The following COL7A1 variants were observed in gnomAD, a reference collection of about 807,000 sequenced individuals.
COL7A1 encodes collagen alpha-1(VII) chain.
A neutral mutation model predicts 456.2 loss-of-function variants in COL7A1; 296 were observed. The ratio of observed to expected loss-of-function variants is 0.65; its 90% CI spans 0.59 to 0.71. The LOEUF is 0.71. COL7A1 is among the 30% of genes least tolerant of loss of function. COL7A1 has a pLI of 0.00. For synonymous variants in COL7A1, 1,464 were observed against 1,525.9 expected (o/e 0.96, Z 0.95); for missense variants, 3,441 against 4,017.2 (o/e 0.86, Z 3.88).
At chr3:48,582,955 G>T in intron 44 of COL7A1, 58 bp downstream of exon 44, 1 of 1,613,524 alleles carries the variant, frequency 6.2e-7, no homozygotes, top group Non-Finnish European at 8.5e-7. Flanking sequence ...CAAGAAGTCA[G>T]AACCAGAAAG....
rs2045869734 is a variant in COL7A1 at position 48,593,662 on chromosome 3, C to T, written c.301G>A (p.Gly101Ser). The T allele has an allele frequency of 6.2e-7, 1 of 1,614,096 alleles. No individual in the cohort carries two copies. Among genetic ancestry groups the T allele is most frequent in the Admixed American group, 1.7e-5 (1 of 60,008 alleles). The change falls in exon 4 of 119, where the codon GGT becomes AGT. Residue 101 changes from glycine to serine, a missense_variant. By Grantham distance (56) the Gly-to-Ser change is moderately conservative. Transcript: ENST00000681320. This position sits in a 1 kb window ranked among gnomAD's most constrained non-coding sequence, Gnocchi z 4.4. Reference protein sequence around the residue: ...EFGLDALGSGGDVIRAIRELS... With the variant: ...EFGLDALGSGSDVIRAIRELS... ...TCACGGATGGCGCGGATCACATCACCCCCAGAGCCAAGTGCATCCAGGCCG... is the reference window on the plus strand; with the variant it reads ...TCACGGATGGCGCGGATCACATCACTCCCAGAGCCAAGTGCATCCAGGCCG...
At position 48,567,817 on chromosome 3, in the gene COL7A1, C is replaced by T. The variant is rs754689393; in HGVS notation, c.7929+21G>A. 3.1e-6 allele frequency: 5 copies of T among 1,614,168 alleles called. No individual in the cohort carries two copies. In the Admixed American group the frequency reaches 6.7e-5, roughly 22 times the overall value. On this transcript the variant is annotated intron_variant, in intron 107 of 118. Transcript: ENST00000681320. This position sits in a 1 kb window ranked among gnomAD's most constrained non-coding sequence, Gnocchi z 4.3. The stretch of plus-strand genomic sequence containing the variant: ...TTAGGCCCCAGGCCACGTAGCCCCC[C>T]AGCCCCCATCCCCTCTGTACCTTGT...
Position 48,566,497 on chromosome 3 carries a change from G to C in COL7A1, c.8358+13C>G. ...ACCCAGGCCCTCCCAGGCCCATCCA[G>C]GCCCACACTCACCGTCAGTGCAGCT... On this transcript the variant is annotated intron_variant, in intron 113 of 118. Coordinates refer to ENST00000681320, the MANE Select transcript of COL7A1 (RefSeq NM_000094.4). This position sits in a 1 kb window ranked among gnomAD's most constrained non-coding sequence, Gnocchi z 5.9. The C allele has an allele frequency of 6.2e-6, 10 of 1,605,706 alleles. No individual in the cohort carries two copies. Among genetic ancestry groups the C allele is most frequent in the Non-Finnish European group, 8.5e-6 (10 of 1,174,998 alleles).
chr3:48,564,661 A>G lies in COL7A1; in HGVS notation c.8818+122T>C. On this transcript the variant is annotated intron_variant, in intron 118 of 118. Coordinates refer to ENST00000681320, the MANE Select transcript of COL7A1 (RefSeq NM_000094.4). The surrounding 1 kb of genome is among the most constrained non-coding windows in gnomAD (Gnocchi z 6.0). ...TCTGGGCGTCTGCCCCAGGTCCCCT[A>G]CTGCGAGGGAGCGTCTCCTCCAGGA... 1 of 1,203,306 alleles carries G rather than the reference A, an allele frequency of 8.3e-7. No homozygotes were observed. 74.5% of individuals were successfully genotyped at this position (1,203,306 alleles called of 1,614,324 possible). A position where few individuals can be genotyped will look rare whatever the true frequency, so the allele number is the denominator to read the frequency against.
chr3:48,591,355 G>A lies in COL7A1; in HGVS notation c.1636+109C>T. The A allele has an allele frequency of 9.0e-6, 13 of 1,437,968 alleles. No homozygotes were observed. The highest frequency in any genetic ancestry group is 1.2e-5 in the Non-Finnish European group (13 of 1,046,528). 89.1% of individuals were successfully genotyped at this position (1,437,968 alleles called of 1,614,324 possible). ...AAGCAGATGGATAACGAGACAGGGA[G>A]GAGACTATAGGGACCCAGGTGTGGA... On this transcript the variant is annotated intron_variant, in intron 13 of 118. Coordinates refer to ENST00000681320, the MANE Select transcript of COL7A1 (RefSeq NM_000094.4). This position sits in a 1 kb window ranked among gnomAD's most constrained non-coding sequence, Gnocchi z 7.0.
rs766891988 is a variant in COL7A1 at position 48,575,895 on chromosome 3, T to G, written c.5828A>C (p.Asp1943Ala). Reference protein sequence around the residue: ...RGEPGSVPNVDRLLETAGIKA... With the variant: ...RGEPGSVPNVARLLETAGIKA... The stretch of plus-strand genomic sequence containing the variant: ...GATGCCAGCAGTTTCCAGCAACCGA[T>G]CCACATTCTGGGGACAAAGTCTGGG... The change falls in exon 72 of 119, where the codon GAT becomes GCT. Residue 1943 changes from aspartate to alanine, a missense_variant. This residue lies in a region of COL7A1 where 2,084 missense variants were observed against 2,501.3 expected (regional missense o/e 0.83). Coordinates refer to ENST00000681320, the MANE Select transcript of COL7A1 (RefSeq NM_000094.4). This position sits in a 1 kb window ranked among gnomAD's most constrained non-coding sequence, Gnocchi z 6.3. 9 of 1,613,940 alleles carry G rather than the reference T, an allele frequency of 5.6e-6. No homozygotes were observed. In the South Asian group the frequency reaches 9.9e-5, roughly 18 times the overall value.
Position 48,566,251 on chromosome 3 carries a change from G to C in COL7A1, c.8407+16C>G. 2.5e-6 allele frequency: 4 copies of C among 1,594,424 alleles called. No homozygotes were observed. Among genetic ancestry groups the C allele is most frequent in the Non-Finnish European group, 3.4e-6 (4 of 1,171,688 alleles). On this transcript the variant is annotated intron_variant, in intron 114 of 118. Coordinates refer to ENST00000681320, the MANE Select transcript of COL7A1 (RefSeq NM_000094.4). The surrounding 1 kb of genome is among the most constrained non-coding windows in gnomAD (Gnocchi z 5.9). ...GCTGGGGTGGAGTGGGAGACTGCGG[G>C]CTGGGCACCACTCACCACAGTGCTG... is the stretch of plus-strand genomic sequence containing the variant.
chr3:48,577,081 G>C, intron 65 of COL7A1, 54 bp from the exon 66 acceptor site: 7 of 1,606,336 alleles, frequency 4.4e-6, no homozygotes, highest in Non-Finnish European at 6.0e-6. Context: ...CTGGCTGCAA[G>C]ACACTACCTT....
Position 48,591,983 on chromosome 3 carries a change from G to A in COL7A1, c.1272C>T (p.Val424=). The A allele has an allele frequency of 6.2e-7, 1 of 1,614,190 alleles. No homozygotes were observed. Among genetic ancestry groups the A allele is most frequent in the South Asian group, 1.1e-5 (1 of 91,062 alleles). Residue 424 remains valine (V), a synonymous_variant, in exon 11 of 119, where the codon GTC becomes GTT. Transcript: ENST00000681320. This position sits in a 1 kb window ranked among gnomAD's most constrained non-coding sequence, Gnocchi z 7.0. ...DASVEQTLRP[V]ILGPTSILLS... is the part of the protein sequence containing the mutation. ...GGAGGATGGATGTGGGGCCCAGGAT[G>A]ACCGGGCGCAGGGTCTGCTCAACAG...
In COL7A1 at chr3:48,585,448, T is replaced by G. The variant is rs764866743; in HGVS notation, c.3894+109A>C. 1 of 1,305,744 alleles carries G rather than the reference T, an allele frequency of 7.7e-7. No individual in the cohort carries two copies. Among genetic ancestry groups the G allele is most frequent in the Non-Finnish European group, 1.1e-6 (1 of 907,334 alleles). The allele number at this position is 1,305,744 out of a possible 1,614,324, so 80.9% of individuals were successfully genotyped here. ...GTGGTTTATAACCTCCAGCTGGGCT[T>G]CTAGGAATTCCCGATGATTCTAACT... On this transcript the variant is annotated intron_variant, in intron 32 of 118. Transcript: ENST00000681320. The surrounding 1 kb of genome is among the most constrained non-coding windows in gnomAD (Gnocchi z 4.5).
rs2045344236 is a variant in COL7A1, at chr3:48,587,319, G to C, written c.3010C>G (p.Gln1004Glu). Residue 1004 changes from glutamine (Q) to glutamate (E), a missense_variant, in exon 24 of 119, where the codon CAG becomes GAG. Transcript: ENST00000681320. This position sits in a 1 kb window ranked among gnomAD's most constrained non-coding sequence, Gnocchi z 6.1. Reference protein sequence around the residue: ...GPGQEVPGSPQTLPGISSSQR... With the variant: ...GPGQEVPGSPETLPGISSSQR... The stretch of plus-strand genomic sequence containing the variant: ...GAGCTTGAGATCCCTGGAAGTGTCT[G>C]CGGGGACCCAGGCACTTCTGCAGGA... The C allele has an allele frequency of 6.2e-7, 1 of 1,601,414 alleles. No homozygotes were observed. Among genetic ancestry groups the C allele is most frequent in the African/African-American group, 1.3e-5 (1 of 74,564 alleles).
chr3:48,593,692 C>T lies in COL7A1; in HGVS notation c.271G>A (p.Glu91Lys). Residue 91 changes from glutamate (E) to lysine (K), a missense_variant, in exon 4 of 119, where the codon GAG becomes AAG. By Grantham distance (56) the Glu-to-Lys change is moderately conservative (BLOSUM62 1). This residue lies in a region of COL7A1 where 913 missense variants were observed against 1,088.2 expected (regional missense o/e 0.84). Coordinates refer to ENST00000681320, the MANE Select transcript of COL7A1 (RefSeq NM_000094.4). This position sits in a 1 kb window ranked among gnomAD's most constrained non-coding sequence, Gnocchi z 4.4. Reference sequence around the variant, plus strand: ...GAGCCAAGTGCATCCAGGCCGAACTCTGTCCTGTTGGAGGGTAGGGGTGGC... The same window carrying T: ...GAGCCAAGTGCATCCAGGCCGAACTTTGTCCTGTTGGAGGGTAGGGGTGGC... ...TVQYSDDPRT[E>K]FGLDALGSGG... The T allele has an allele frequency of 6.2e-7, 1 of 1,614,216 alleles. No individual in the cohort carries two copies. The highest frequency in any genetic ancestry group is 2.2e-5 in the East Asian group (1 of 44,884).
rs536561982 is a variant in COL7A1 at position 48,571,496 on chromosome 3, T to G, written c.7069-218A>C. The G allele has an allele frequency of 1.4e-6, 1 of 723,030 alleles. No individual in the cohort carries two copies. The highest frequency in any genetic ancestry group is 1.5e-5 in the South Asian group (1 of 66,910). 44.8% of individuals were successfully genotyped at this position (723,030 alleles called of 1,614,324 possible). A position where few individuals can be genotyped will look rare whatever the true frequency, so the allele number is the denominator to read the frequency against. On this transcript the variant is annotated intron_variant, in intron 92 of 118. Transcript: ENST00000681320. This position sits in a 1 kb window ranked among gnomAD's most constrained non-coding sequence, Gnocchi z 4.6. ...ACGCTCAGATACTACCATAGACAGG[T>G]GGGAGTTCAGGCATGGCACAGGCAC...
chr3:48,582,862 G>A (rs2044872738), intron 44 of COL7A1, 151 bp downstream of exon 44: 2 of 1,294,184 alleles, frequency 1.5e-6, no homozygotes, highest in African/African-American at 1.5e-5. Flanking sequence ...CCAGGTCCCT[G>A]GGGCTGAGGG....
rs1418503735 is a variant in COL7A1 at position 48,588,264 on chromosome 3, C to T, written c.2710+18G>A. 6.2e-7 allele frequency: 1 copy of T among 1,612,982 alleles called. No individual in the cohort carries two copies. The highest frequency in any genetic ancestry group is 1.1e-5 in the South Asian group (1 of 91,090). On this transcript the variant is annotated intron_variant, in intron 21 of 118. Transcript: ENST00000681320. This position sits in a 1 kb window ranked among gnomAD's most constrained non-coding sequence, Gnocchi z 4.6. ...TGCCCCCAATGGTCCCTAACTTCCTCCTGGGGACACCTCTCACCCTCAGGT... is the reference window on the plus strand; with the variant it reads ...TGCCCCCAATGGTCCCTAACTTCCTTCTGGGGACACCTCTCACCCTCAGGT...
chr3:48,569,935 C>G lies in COL7A1; in HGVS notation c.7486-20G>C, dbSNP rs769328539. Reference sequence around the variant, plus strand: ...GGGCCCCTGTGTGAGAGAAGGTGACCGTGAGCTACAGGAACCAGGGCAGTG... The same window carrying G: ...GGGCCCCTGTGTGAGAGAAGGTGACGGTGAGCTACAGGAACCAGGGCAGTG... On this transcript the variant is annotated intron_variant, in intron 99 of 118. Transcript: ENST00000681320. The surrounding 1 kb of genome is among the most constrained non-coding windows in gnomAD (Gnocchi z 4.9). The G allele has an allele frequency of 1.2e-6, 2 of 1,613,704 alleles. No homozygotes were observed. The highest frequency in any genetic ancestry group is 1.3e-5 in the African/African-American group (1 of 74,896).
chr3:48,589,592 TC>T lies in COL7A1; in HGVS notation c.2170+6del, dbSNP rs1452555215. The stretch of plus-strand genomic sequence containing the variant: ...TGACCTGCCCCCTCCCAAACCCCAG[TC>T]CCCACCGTGGGCTGAGTGCCAGGAA... On this transcript the variant is annotated splice_donor_region_variant and intron_variant, in intron 17 of 118. Coordinates refer to ENST00000681320, the MANE Select transcript of COL7A1 (RefSeq NM_000094.4). 1.2e-6 allele frequency: 2 copies of T among 1,608,724 alleles called. No homozygotes were observed. Among genetic ancestry groups the T allele is most frequent in the Non-Finnish European group, 1.7e-6 (2 of 1,178,736 alleles).
rs754296949 is a variant in COL7A1, at chr3:48,585,602, G to A, written c.3849C>T (p.Pro1283=). The A allele has an allele frequency of 1.5e-5, 24 of 1,613,900 alleles. No homozygotes were observed. Among genetic ancestry groups the A allele is most frequent in the African/African-American group, 8.0e-5 (6 of 74,946 alleles). Residue 1283 remains proline (P), a synonymous_variant, in exon 32 of 119, where the codon CCC becomes CCT. Coordinates refer to ENST00000681320, the MANE Select transcript of COL7A1 (RefSeq NM_000094.4). This position sits in a 1 kb window ranked among gnomAD's most constrained non-coding sequence, Gnocchi z 4.5. ...CACTTCCAGGGGGCCCCTGGGGGCC[G>A]GGAGCACCGGTCCTGCCCTGAAAGA... ...DPGLPGRTGA[P]GPQGPPGSAT... is the part of the protein sequence containing the mutation.
Position 48,590,666 on chromosome 3 carries a change from T to A in COL7A1, c.1780+7A>T, listed in dbSNP as rs779987695. On this transcript the variant is annotated splice_region_variant and intron_variant, in intron 14 of 118. Coordinates refer to ENST00000681320, the MANE Select transcript of COL7A1 (RefSeq NM_000094.4). This position sits in a 1 kb window ranked among gnomAD's most constrained non-coding sequence, Gnocchi z 4.6. ...GCTGTCCTCCACAAGCCTCCTGCAG[T>A]ACTCACCCCGGCGGACAGTGAGGAC... The A allele has an allele frequency of 1.9e-6, 3 of 1,613,900 alleles. No individual in the cohort carries two copies. The highest frequency in any genetic ancestry group is 8.5e-7 in the Non-Finnish European group (1 of 1,180,016).
Sources: gnomAD v4.1 joint callset for allele counts on GRCh38, gnomAD v4.1.1 for gene constraint, gnomAD v4.1.1 regional missense constraint, Gnocchi (gnomAD v3.1) non-coding constraint, MANE v1.5 for transcripts, NCBI Gene and HGNC (gene_info 2026-07-23, HGNC 2026-07-21) for gene names.